The following ZSCAN12 variants were observed in gnomAD, a reference collection of about 807,000 sequenced individuals.
ZSCAN12 encodes the protein zinc finger and SCAN domain-containing protein 12.
In ZSCAN12, 18 loss-of-function variants were observed where a neutral mutation model predicts 23.4. That is an observed-to-expected ratio of 0.77 (90% CI 0.53 to 1.14). The LOEUF (loss-of-function observed/expected upper bound fraction) is 1.14. Among genes scored for constraint, ZSCAN12 ranks in the 50% most tolerant of loss-of-function variants. The pLI is 0.00. For synonymous variants in ZSCAN12, 186 were observed against 253.4 expected, an observed-to-expected ratio of 0.73 and a Z score of 2.53; for missense variants, 650 against 735.0, an observed-to-expected ratio of 0.88 and a Z score of 1.34.
chr6:28,395,169 A>T (rs1349353439), intron 2 of ZSCAN12, among the ~76,000 whole-genome samples: 1 of 152,006 alleles, frequency 6.6e-6, no homozygotes, highest in Non-Finnish European at 1.5e-5. Flanking sequence ...TCCTGACCTC[A>T]GGTGATCTGC....
downstream of ZSCAN12, chr6:28,382,694 GA>G (rs751813632): frequency 5.5e-6 from 8 of 1,464,454 alleles, no homozygotes; most frequent in Non-Finnish European, 7.2e-6. Flanking sequence ...ACAAGGCACT[GA>G]AAGAAAACGG....
downstream of ZSCAN12, chr6:28,382,685 C>A: frequency 1.0e-5 from 15 of 1,485,852 alleles, no homozygotes; most frequent in Middle Eastern, 2.0e-4. Flanking sequence ...CTTATCTGAA[C>A]AAGGCACTGA....
chr6:28,384,685 C>T (rs1760455298), downstream of ZSCAN12, among the ~76,000 whole-genome samples: 1 of 152,130 alleles, frequency 6.6e-6, no homozygotes, highest in Non-Finnish European at 1.5e-5. Context: ...AAATTATATA[C>T]ATGAGGTCAT....
rs1443461534 is a variant in ZSCAN12, at chr6:28,387,143, C to G, written c.*3311G>C. Among the ~76,000 whole-genome samples the G allele has an allele frequency of 6.6e-6, 1 of 152,144 alleles. No individual in the cohort carries two copies. The highest frequency in any genetic ancestry group is 1.5e-5 in the Non-Finnish European group (1 of 68,008). ...CCCAGCCTCCACATTTATTTTTAAA[C>G]AAGTATGAACTGTACCCTCCTATAA... On this transcript the variant is annotated 3_prime_UTR_variant, in exon 4 of 4. Transcript: ENST00000684592.
In ZSCAN12 at chr6:28,391,405, G is replaced by A; in HGVS notation, c.885C>T (p.Ile295=). The change falls in exon 4 of 4, where the codon ATC becomes ATT. Residue 295 remains isoleucine, a synonymous_variant. Transcript: ENST00000684592. The surrounding 1 kb of genome is among the most constrained non-coding windows in gnomAD (Gnocchi z 4.1). ...ATTTGTAGGGTCTATCTCCAGTATG[G>A]ATCCTCTGATGTTCTATGAGGTGTG... The part of the protein sequence containing the change: ...QHSHLIEHQR[I]HTGDRPYKCE... 1.3e-6 allele frequency: 2 copies of A among 1,551,612 alleles called. No individual in the cohort carries two copies. The highest frequency in any genetic ancestry group is 1.7e-6 in the Non-Finnish European group (2 of 1,146,774).
chr6:28,389,296 G>A lies in ZSCAN12; in HGVS notation c.*1158C>T, dbSNP rs1760697436. Reference sequence around the variant, plus strand: ...CTTTCTTTGAATACTTAAATCTGAAGGGATGGAAAGACCACCTAAAAATCC... The same window carrying A: ...CTTTCTTTGAATACTTAAATCTGAAAGGATGGAAAGACCACCTAAAAATCC... On this transcript the variant is annotated 3_prime_UTR_variant, in exon 4 of 4. Transcript: ENST00000684592. Among the ~76,000 whole-genome samples the A allele has an allele frequency of 6.6e-6, 1 of 152,130 alleles. No homozygotes were observed. The highest frequency in any genetic ancestry group is 1.5e-5 in the Non-Finnish European group (1 of 68,022).
intron 2 of ZSCAN12, among the ~76,000 whole-genome samples, chr6:28,393,999 G>A (rs1216113180): frequency 6.6e-6 from 1 of 152,048 alleles, no homozygotes; most frequent in Non-Finnish European, 1.5e-5. Context: ...ATCTTAGGAT[G>A]ATGTCTTCTC....
chr6:28,391,335 G>A lies in ZSCAN12; in HGVS notation c.955C>T (p.Arg319Ter), dbSNP rs750180249. ...TCTCCAGTGTGTATTATTTTGTGTC[G>A]AATAAGCACAGTTCTCCCACGGAAA... ...KAFRGRTVLI[R>*]HKIIHTGEKP... is the part of the protein sequence containing the mutation. The change falls in exon 4 of 4, where the codon CGA becomes TGA. Residue 319 changes from arginine to a stop codon, truncating the protein, a stop_gained. Coordinates refer to ENST00000684592, the MANE Select transcript of ZSCAN12 (RefSeq NM_001163391.2). LOFTEE classifies it low-confidence loss of function (END_TRUNC). The surrounding 1 kb of genome is among the most constrained non-coding windows in gnomAD (Gnocchi z 4.1). 29 of 1,551,896 alleles carry A rather than the reference G, an allele frequency of 1.9e-5. No homozygotes were observed. In the Middle Eastern group the frequency reaches 5.0e-4, roughly 27 times the overall value.
downstream of ZSCAN12, chr6:28,380,800 A>G (rs1485902891): frequency 6.5e-6 from 1 of 153,722 alleles, no homozygotes; most frequent in Non-Finnish European, 1.5e-5. Flanking sequence ...CCCCAACAAA[A>G]TTCAGCATCT....
Position 28,390,462 on chromosome 6 carries a change from A to C in ZSCAN12, c.1828T>G (p.Ser610Ala), listed in dbSNP as rs369195216. ...QTIHKGEKSV[S>A]V ...TAACTTCCCTGTAGTCATCACACAG[A>C]AACAGATTTTTCTCCTTTGTGGATA... The change falls in exon 4 of 4, where the codon TCT becomes GCT. Residue 610 changes from serine to alanine, a missense_variant. Transcript: ENST00000684592. The C allele has an allele frequency of 6.5e-7, 1 of 1,538,856 alleles. No homozygotes were observed. The highest frequency in any genetic ancestry group is 8.8e-7 in the Non-Finnish European group (1 of 1,140,924).
chr6:28,393,157 C>A, intron 2 of ZSCAN12, 111 bp from the exon 3 acceptor site: 1 of 1,120,994 alleles, frequency 8.9e-7, no homozygotes, highest in East Asian at 2.6e-5. Flanking sequence ...CAGATATAAG[C>A]CTGCCATAAC....
In ZSCAN12 at chr6:28,384,946, A is replaced by G. The variant is rs1760469204; in HGVS notation, c.*5508T>C. On this transcript the variant is annotated 3_prime_UTR_variant, in exon 4 of 4. Transcript: ENST00000684592. ...AAGAGATTCAATTAAAGGCTATCGA[A>G]TGATTATGTCTAGGTTGAACAACAA... is the stretch of plus-strand genomic sequence containing the variant. 6.6e-6 allele frequency among the ~76,000 whole-genome samples: 1 copy of G among 152,200 alleles called. No individual in the cohort carries two copies.
chr6:28,399,502 C>T (rs1761304348), intron 1 of ZSCAN12, among the ~76,000 whole-genome samples, 155 bp downstream of exon 1: 1 of 152,246 alleles, frequency 6.6e-6, no homozygotes, highest in South Asian at 2.1e-4. Context: ...AATGTCCCAA[C>T]GCACTTTGGG....
Position 28,390,490 on chromosome 6 carries a change from C to T in ZSCAN12, c.1800G>A (p.Gln600=), listed in dbSNP as rs781205966. ...CAGATTTTTCTCCTTTGTGGATAGT[C>T]TGATGTTGAGTAAGAGCTGAGTTCT... ...FRQNSALTQH[Q]TIHKGEKSVS... The change falls in exon 4 of 4, where the codon CAG becomes CAA. Residue 600 remains glutamine, a synonymous_variant. Transcript: ENST00000684592. The T allele has an allele frequency of 5.2e-6, 8 of 1,549,696 alleles. No individual in the cohort carries two copies. The highest frequency in any genetic ancestry group is 1.2e-5 in the South Asian group (1 of 82,966).
chr6:28,399,289 A>G (rs1761294176), intron 1 of ZSCAN12, among the ~76,000 whole-genome samples: 1 of 152,164 alleles, frequency 6.6e-6, no homozygotes, highest in Non-Finnish European at 1.5e-5. Context: ...CTTCCCTCTA[A>G]CCTCGTGGTC....
rs1760717938 is a variant in ZSCAN12 at position 28,389,649 on chromosome 6, G to T, written c.*805C>A. On this transcript the variant is annotated 3_prime_UTR_variant, in exon 4 of 4. Transcript: ENST00000684592. ...CATGATTTTGATGTTCATCAAAGTT[G>T]GAGGATCACTAGAGTAATGGCCAGG... is the stretch of plus-strand genomic sequence containing the variant. Among the ~76,000 whole-genome samples, 1 of 152,172 alleles carries T rather than the reference G, an allele frequency of 6.6e-6. No homozygotes were observed. The highest frequency in any genetic ancestry group is 1.5e-5 in the Non-Finnish European group (1 of 68,030).
chr6:28,381,049 T>C (rs938949922), downstream of ZSCAN12: 17 of 152,086 alleles, frequency 1.1e-4, no homozygotes, highest in African/African-American at 4.1e-4. Flanking sequence ...AGTAGGGGGG[T>C]CCAATTTGGG....
rs1323049981 is a variant in ZSCAN12 at position 28,387,840 on chromosome 6, T to A, written c.*2614A>T. On this transcript the variant is annotated 3_prime_UTR_variant, in exon 4 of 4. Coordinates refer to ENST00000684592, the MANE Select transcript of ZSCAN12 (RefSeq NM_001163391.2). Reference sequence around the variant, plus strand: ...TCATAGGTCACCTCTTCATCCCAACTCTGTCCTCTTCCCTTTGCCCTTAAC... The same window carrying A: ...TCATAGGTCACCTCTTCATCCCAACACTGTCCTCTTCCCTTTGCCCTTAAC... 2.0e-5 allele frequency among the ~76,000 whole-genome samples: 3 copies of A among 152,208 alleles called. No individual in the cohort carries two copies. Among genetic ancestry groups the A allele is most frequent in the Non-Finnish European group, 4.4e-5 (3 of 68,034 alleles).
At chr6:28,397,516 G>A (rs1470949430) in intron 2 of ZSCAN12, among the ~76,000 whole-genome samples, 1 of 152,004 alleles carries the variant, frequency 6.6e-6, no homozygotes, top group East Asian at 1.9e-4. Context: ...GCTACTCAAA[G>A]AAACACAGAT....
Sources: gnomAD v4.1 joint callset for allele counts (sites outside exome capture counted in the v4.1 genomes callset) on GRCh38, gnomAD v4.1.1 for gene constraint, Gnocchi (gnomAD v3.1) non-coding constraint, MANE v1.5 for transcripts, NCBI Gene and HGNC (gene_info 2026-07-23, HGNC 2026-07-21) for gene names.